POLRMT: variants seen among roughly 807,000 people sequenced by gnomAD.
The protein encoded by POLRMT is DNA-directed RNA polymerase, mitochondrial.
POLRMT carries 114 observed loss-of-function variants against 132.2 expected under a neutral mutation model. That is an observed-to-expected ratio of 0.86 (90% CI 0.74 to 1.01). The LOEUF is 1.01. Among genes scored for constraint, POLRMT ranks in the 50% least tolerant of loss-of-function variants. The probability of loss-of-function intolerance (pLI) is 0.00; values close to 1 mark genes in which losing one functional copy is unlikely to be tolerated. For missense variants in POLRMT, 2,003 were observed against 1,729.1 expected, an observed-to-expected ratio of 1.16 and a Z score of -2.81; for synonymous variants, 1,020 against 773.4, an observed-to-expected ratio of 1.32 and a Z score of -5.29.
In POLRMT at chr19:622,281, C is replaced by T. The variant is rs934677139; in HGVS notation, c.1719G>A (p.Met573Ile). ...TCTCCGCCAGCAGCTTGCCCAGCTC[C>T]ATCTGCACTGGCAGGGGCCAGGGCT... ...REQPWPLPVQ[M>I]ELGKLLAEML... The change falls in exon 9 of 21, where the codon ATG (methionine) becomes ATA (isoleucine). Residue 573 changes from methionine to isoleucine, a missense_variant. By Grantham distance (10) the Met-to-Ile change is conservative. Coordinates refer to ENST00000588649, the MANE Select transcript of POLRMT (RefSeq NM_005035.4). 4.5e-6 allele frequency: 7 copies of T among 1,564,578 alleles called. No homozygotes were observed. Among genetic ancestry groups the T allele is most frequent in the Non-Finnish European group, 6.1e-6 (7 of 1,155,746 alleles).
chr19:621,734 C>G lies in POLRMT; in HGVS notation c.1964G>C (p.Trp655Ser), dbSNP rs779138626. ...GAAAGCACCAGAGTGCGGCGATGTC[C>G]AGGGCAGCGGGGGGCAAAGCATGGG... ...DVPMLCPPLP[W>S]TSPHSGAFLL... Residue 655 changes from tryptophan to serine, a missense_variant, in exon 10 of 21, where the codon TGG becomes TCG. Coordinates refer to ENST00000588649, the MANE Select transcript of POLRMT (RefSeq NM_005035.4). The G allele has an allele frequency of 2.5e-6, 4 of 1,599,860 alleles. No homozygotes were observed. The East Asian group carries it at 6.7e-5, about 27-fold the overall frequency.
At chr19:617,542 A>C in intron 19 of POLRMT, 28 bp downstream of exon 19, 1 of 1,609,678 alleles carries the variant, frequency 6.2e-7, no homozygotes, top group South Asian at 1.1e-5. Flanking sequence ...GGGGGAATCC[A>C]GGTAGTTGGG....
At chr19:627,233 G>T (rs1434823141) in intron 3 of POLRMT, among the ~76,000 whole-genome samples, 1 of 146,808 alleles carries the variant, frequency 6.8e-6, no homozygotes. Context: ...CTCACTGCAA[G>T]CTCTGCCTCC....
rs755085446 is a variant in POLRMT at position 617,773 on chromosome 19, G to C, written c.3495+4C>G. ...GTGGACTGAGGCTCAGACTACGGGG[G>C]CACCTGGTTCATGACGGAGACATCA... On this transcript the variant is annotated splice_donor_region_variant and intron_variant, in intron 18 of 20. Transcript: ENST00000588649. 4 of 1,613,086 alleles carry C rather than the reference G, an allele frequency of 2.5e-6. No individual in the cohort carries two copies. The highest frequency in any genetic ancestry group is 3.4e-6 in the Non-Finnish European group (4 of 1,179,826).
In POLRMT at chr19:627,872, C is replaced by T. The variant is rs1032801806; in HGVS notation, c.822+1668G>A. Among the ~76,000 whole-genome samples the T allele has an allele frequency of 4.7e-5, 7 of 147,532 alleles. No individual in the cohort carries two copies. In the East Asian group the frequency reaches 1.2e-3, roughly 26 times the overall value. On this transcript the variant is annotated intron_variant, in intron 3 of 20. Transcript: ENST00000588649. The stretch of plus-strand genomic sequence containing the variant: ...CCCAGGAGGCGGAGGCTGTAGTGAG[C>T]CGAGATCATGGCACTGCACCCTAGC...
chr19:622,016 T>G, intron 9 of POLRMT, 133 bp downstream of exon 9: 2 of 1,127,960 alleles, frequency 1.8e-6, no homozygotes, highest in Non-Finnish European at 2.5e-6. Context: ...TGGACACCCA[T>G]GGTGTGTCCC....
At chr19:621,001 CCGGGGGAGGGCGCGGGGG>C in intron 10 of POLRMT, 39 bp downstream of exon 10, 2 of 858,924 alleles carry the variant, frequency 2.3e-6, no homozygotes, top group Non-Finnish European at 2.8e-6. Flanking sequence ...CGCGGGGGCG[CCGGGGGAGGGCGCGGGGG>C]TGCCGGGAGG....
intron 1 of POLRMT, 120 bp downstream of exon 1, chr19:633,305 G>T: frequency 8.1e-7 from 1 of 1,228,696 alleles, no homozygotes; most frequent in Non-Finnish European, 1.1e-6. Context: ...GGGCCGGGTC[G>T]GTGGGCTGCG....
At position 618,726 on chromosome 19, in the gene POLRMT, G is replaced by A. The variant is rs1250101428; in HGVS notation, c.3302C>T (p.Thr1101Ile). 10 of 1,607,538 alleles carry A rather than the reference G, an allele frequency of 6.2e-6. No individual in the cohort carries two copies. Among genetic ancestry groups the A allele is most frequent in the African/African-American group, 5.3e-5 (4 of 74,794 alleles). The change falls in exon 16 of 21, where the codon ACC becomes ATC. Residue 1101 changes from threonine (T) to isoleucine (I), a missense_variant. Coordinates refer to ENST00000588649, the MANE Select transcript of POLRMT (RefSeq NM_005035.4). ...TCACCGGCTGATGTCTCCGTTGTGG[G>A]TGTAGGTGATGCTCTGAATTCCACC... ...IGGGIQSITYTHNGDISRKPN... is the reference protein window; with the variant it reads ...IGGGIQSITYIHNGDISRKPN...
chr19:618,117 C>T (rs957878238), intron 17 of POLRMT: 8 of 568,134 alleles, frequency 1.4e-5, no homozygotes, highest in African/African-American at 3.8e-5. Context: ...AGGGCGGCTA[C>T]GAGGTCCCCT....
At chr19:624,420 G>A (rs1984866783) in intron 5 of POLRMT, among the ~76,000 whole-genome samples, 1 of 152,182 alleles carries the variant, frequency 6.6e-6, no homozygotes, top group Admixed American at 6.5e-5. Flanking sequence ...TTACACCTCA[G>A]TAACAGACGA....
Position 624,978 on chromosome 19 carries a change from C to T in POLRMT, c.954-73G>A, listed in dbSNP as rs977432399. 17 of 1,539,520 alleles carry T rather than the reference C, an allele frequency of 1.1e-5. No individual in the cohort carries two copies. In the East Asian group the frequency reaches 1.4e-4, roughly 12 times the overall value. ...GCTTCCACAGACCCCAGGGGAACCT[C>T]GTGACCACCTCCTGCTAGCCTGCAG... On this transcript the variant is annotated intron_variant, in intron 4 of 20. Coordinates refer to ENST00000588649, the MANE Select transcript of POLRMT (RefSeq NM_005035.4).
intron 2 of POLRMT, among the ~76,000 whole-genome samples, chr19:630,890 G>A (rs935762308): frequency 2.6e-5 from 4 of 152,206 alleles, no homozygotes; most frequent in African/African-American, 9.6e-5. Flanking sequence ...GGGCATGGCG[G>A]CTCACGTCGG....
Position 624,805 on chromosome 19 carries a change from G to C in POLRMT, c.1054C>G (p.His352Asp). Residue 352 changes from histidine (H) to aspartate (D), a missense_variant, in exon 5 of 21, where the codon CAC (histidine) becomes GAC (aspartate). Physicochemically the swap from His to Asp is moderately conservative, Grantham distance 81. Coordinates refer to ENST00000588649, the MANE Select transcript of POLRMT (RefSeq NM_005035.4). Reference sequence around the variant, plus strand: ...AGGCTGAAGGTGGGCTTCACCTTGTGCACGGCCTTCAGAACAGTGGCCCGA... The same window carrying C: ...AGGCTGAAGGTGGGCTTCACCTTGTCCACGGCCTTCAGAACAGTGGCCCGA... ...EDRATVLKAV[H>D]KVKPTFSLPP... 1 of 1,613,466 alleles carries C rather than the reference G, an allele frequency of 6.2e-7. No individual in the cohort carries two copies. Among genetic ancestry groups the C allele is most frequent in the Non-Finnish European group, 8.5e-7 (1 of 1,180,012 alleles).
chr19:621,028 G>A lies in POLRMT; in HGVS notation c.2640+30C>T, dbSNP rs768703987. On this transcript the variant is annotated intron_variant, in intron 10 of 20. Transcript: ENST00000588649. ...GGGGGAGGGCGCGGGGGTGCCGGGA[G>A]GGCGGGGAATGCGGGGGCCCCGCCC... 1.6e-5 allele frequency: 24 copies of A among 1,545,902 alleles called. 3 individuals are homozygous for A. Among genetic ancestry groups the A allele is most frequent in the African/African-American group, 7.3e-5 (5 of 68,310 alleles).
intron 2 of POLRMT, 41 bp downstream of exon 2, chr19:632,793 C>T: frequency 2.7e-6 from 4 of 1,463,900 alleles, no homozygotes; most frequent in African/African-American, 1.4e-5. Flanking sequence ...CAGCAGGGAG[C>T]GGACTCTCCT....
rs1455734258 is a variant in POLRMT, at chr19:629,666, G to A, written c.696C>T (p.Cys232=). Residue 232 remains cysteine (C), a synonymous_variant, in exon 3 of 21, where the codon TGC becomes TGT. Transcript: ENST00000588649. ...GGGGCAGCTGGTCAGTGAGCAGGCAGCACTTGAAGAAGGCCAGGAGCCTCT... is the reference window on the plus strand; with the variant it reads ...GGGGCAGCTGGTCAGTGAGCAGGCAACACTTGAAGAAGGCCAGGAGCCTCT... ...QQQRLLAFFK[C]CLLTDQLPLA... 1.2e-6 allele frequency: 2 copies of A among 1,610,096 alleles called. No individual in the cohort carries two copies. Among genetic ancestry groups the A allele is most frequent in the South Asian group, 1.1e-5 (1 of 90,924 alleles).
At position 621,668 on chromosome 19, in the gene POLRMT, G is replaced by C. The variant is rs762201108; in HGVS notation, c.2030C>G (p.Ala677Gly). ...PTKLMRTVEG[A>G]TQHQELLETC... ...TTCCAGCAGCTCCTGGTGCTGCGTG[G>C]CGCCTTCCACCGTGCGCATCAGCTT... The change falls in exon 10 of 21, where the codon GCC becomes GGC. Residue 677 changes from alanine (A) to glycine (G), a missense_variant. Transcript: ENST00000588649. 317 of 1,553,200 alleles carry C rather than the reference G, an allele frequency of 2.0e-4. 1 individual carries two copies. Among genetic ancestry groups the C allele is most frequent in the Non-Finnish European group, 2.6e-4 (304 of 1,152,526 alleles).
intron 2 of POLRMT, among the ~76,000 whole-genome samples, chr19:632,457 C>A (rs904993138): frequency 6.6e-6 from 1 of 152,144 alleles, no homozygotes; most frequent in African/African-American, 2.4e-5. Flanking sequence ...GGCGCCTACC[C>A]CCCAGAGCCA....
Sources: gnomAD v4.1 joint callset for allele counts (sites outside exome capture counted in the v4.1 genomes callset) on GRCh38, gnomAD v4.1.1 for gene constraint, MANE v1.5 for transcripts, NCBI Gene and HGNC (gene_info 2026-07-23, HGNC 2026-07-21) for gene names.